Variants in BCAP31 observed in about 807,000 individuals in gnomAD.
BCAP31 encodes the protein B cell receptor associated protein 31.
For missense variants in BCAP31, 124 were observed against 193.0 expected (o/e 0.64, Z 2.12); for synonymous variants, 75 against 80.9 (o/e 0.93, Z 0.39).
chrX:153,706,515 G>A (rs1359891362), intron 4 of BCAP31, among the ~76,000 whole-genome samples: 2 of 112,244 alleles, frequency 1.8e-5, no homozygotes, highest in Admixed American at 9.3e-5. Flanking sequence ...AGGTCCCCTC[G>A]CAACACCCTC....
chrX:153,721,788 C>G (rs1167104871), intron 2 of BCAP31, among the ~76,000 whole-genome samples: 1 of 107,884 alleles, frequency 9.3e-6, no homozygotes, highest in Admixed American at 1.0e-4. Flanking sequence ...GTCCCAGCTA[C>G]TCGTGAGGCT....
intron 4 of BCAP31, among the ~76,000 whole-genome samples, chrX:153,711,617 A>G (rs1405215865): frequency 1.8e-5 from 2 of 112,543 alleles, no homozygotes; most frequent in African/African-American, 6.4e-5. Context: ...CATGGAAAGA[A>G]AGAGAGGTGG....
chrX:153,723,019 AC>A, intron 2 of BCAP31, 133 bp downstream of exon 2: 1 of 811,523 alleles, frequency 1.2e-6, no homozygotes, highest in Non-Finnish European at 1.7e-6. Flanking sequence ...AACCCCTGCC[AC>A]CCCCACCCCA....
chrX:153,720,346 C>A lies in BCAP31; in HGVS notation c.193+526G>T, dbSNP rs918172665. Reference sequence around the variant, plus strand: ...ATACAAACTGCTTGGTATAAGCCCACGCCCACTGCTAGAGGGGCCTCTTTT... The same window carrying A: ...ATACAAACTGCTTGGTATAAGCCCAAGCCCACTGCTAGAGGGGCCTCTTTT... On this transcript the variant is annotated intron_variant, in intron 3 of 7. Coordinates refer to ENST00000345046, the MANE Select transcript of BCAP31 (RefSeq NM_001256447.2). Among the ~76,000 whole-genome samples, 4 of 105,491 alleles carry A rather than the reference C, an allele frequency of 3.8e-5. No homozygotes were observed. In the South Asian group the frequency reaches 1.3e-3, roughly 35 times the overall value. The allele number at this position is 105,491 out of a possible 115,157, so 91.6% of individuals were successfully genotyped here.
At chrX:153,701,497 G>A (rs782015512) in intron 7 of BCAP31, among the ~76,000 whole-genome samples, 44 of 112,856 alleles carry the variant, frequency 3.9e-4, no homozygotes, top group African/African-American at 1.4e-3. Context: ...AAGACCGCCT[G>A]GGCTTCCAGA....
intron 3 of BCAP31, 70 bp downstream of exon 3, chrX:153,720,802 G>C (rs2091659643): frequency 1.9e-6 from 2 of 1,027,699 alleles, no homozygotes; most frequent in South Asian, 4.0e-5. Flanking sequence ...CACATCAAAA[G>C]TGGCAAAGGG....
In BCAP31 at chrX:153,715,114, C is replaced by T. The variant is rs1473813841; in HGVS notation, c.341+428G>A. On this transcript the variant is annotated intron_variant, in intron 4 of 7. Coordinates refer to ENST00000345046, the MANE Select transcript of BCAP31 (RefSeq NM_001256447.2). ...GGGAAGGCCCTGAGGTGAGGAGAGGCCCAGCCTCTTCGTGCCACTTTTACC... is the reference window on the plus strand; with the variant it reads ...GGGAAGGCCCTGAGGTGAGGAGAGGTCCAGCCTCTTCGTGCCACTTTTACC... 8.0e-5 allele frequency among the ~76,000 whole-genome samples: 9 copies of T among 111,913 alleles called. No individual in the cohort carries two copies. The Admixed American group carries it at 8.5e-4, about 11-fold the overall frequency.
rs782756360 is a variant in BCAP31 at position 153,700,676 on chromosome X, G to A, written c.*261C>T. 29 of 327,661 alleles carry A rather than the reference G, an allele frequency of 8.9e-5. No individual in the cohort carries two copies. Among genetic ancestry groups the A allele is most frequent in the Non-Finnish European group, 1.4e-4 (27 of 190,443 alleles). The allele number at this position is 327,661 out of a possible 1,213,427, so 27.0% of individuals were successfully genotyped here. ...TAACTCGTGCTCTCCACGCTCAGGC[G>A]TGGAAGCCAAGGCTGTGCCAGGCCT... On this transcript the variant is annotated 3_prime_UTR_variant, in exon 8 of 8. Transcript: ENST00000345046.
At chrX:153,723,785 G>A in intron 1 of BCAP31, 1 of 875,609 alleles carries the variant, frequency 1.1e-6, no homozygotes, top group Non-Finnish European at 1.6e-6. Flanking sequence ...CGACGCCCCC[G>A]CCTCCCACCG....
At chrX:153,713,956 C>T (rs1215916454) in intron 4 of BCAP31, among the ~76,000 whole-genome samples, 1 of 93,056 alleles carries the variant, frequency 1.1e-5, no homozygotes, top group African/African-American at 4.2e-5. Context: ...CTCACTGCAA[C>T]CTCTGCCTCC....
chrX:153,722,394 TTGTC>T (rs1474210175), intron 2 of BCAP31, among the ~76,000 whole-genome samples: 2 of 111,535 alleles, frequency 1.8e-5, no homozygotes, highest in Admixed American at 9.6e-5. Flanking sequence ...AGAAATCAGA[TTGTC>T]TGTCCTCTAA....
chrX:153,715,744 A>C (rs1238607791), intron 3 of BCAP31, 55 bp from the exon 4 acceptor site: 1 of 1,165,890 alleles, frequency 8.6e-7, no homozygotes, highest in Admixed American at 2.2e-5. Flanking sequence ...GGGCAAGATA[A>C]GGCCATACCA....
At chrX:153,718,081 C>T (rs1362273840) in intron 3 of BCAP31, among the ~76,000 whole-genome samples, 3 of 110,946 alleles carry the variant, frequency 2.7e-5, no homozygotes, top group South Asian at 3.8e-4. Context: ...TTTGGGAGGC[C>T]GAGGTGGGCG....
At chrX:153,723,356 C>G (rs2091681800) in intron 1 of BCAP31, 68 bp from the exon 2 acceptor site, 1 of 1,140,737 alleles carries the variant, frequency 8.8e-7, no homozygotes, top group Admixed American at 2.7e-5. Flanking sequence ...TTCAGTTACC[C>G]TGCGAGGCTG....
chrX:153,710,937 T>C lies in BCAP31; in HGVS notation c.341+4605A>G, dbSNP rs782264429. ...GAATCCATCCTGCCAGCACATTCCC[T>C]TTGCCCTGGCCTCAATGCCTCTGAA... On this transcript the variant is annotated intron_variant, in intron 4 of 7. Coordinates refer to ENST00000345046, the MANE Select transcript of BCAP31 (RefSeq NM_001256447.2). 2.7e-5 allele frequency among the ~76,000 whole-genome samples: 3 copies of C among 111,560 alleles called. No individual in the cohort carries two copies. In the East Asian group the frequency reaches 8.4e-4, roughly 31 times the overall value.
intron 4 of BCAP31, among the ~76,000 whole-genome samples, chrX:153,706,601 T>C (rs1201360900): frequency 8.9e-6 from 1 of 112,740 alleles, no homozygotes; most frequent in Non-Finnish European, 1.9e-5. Context: ...CAGCCACTCT[T>C]ATCCCCGAAA....
chrX:153,721,155 G>A, intron 2 of BCAP31, 183 bp from the exon 3 acceptor site: 1 of 426,526 alleles, frequency 2.3e-6, no homozygotes, highest in Non-Finnish European at 4.1e-6. Flanking sequence ...TGGAAAAAAG[G>A]CCAGGTGCAA....
At chrX:153,709,060 A>G (rs2091572875) in intron 4 of BCAP31, among the ~76,000 whole-genome samples, 1 of 111,967 alleles carries the variant, frequency 8.9e-6, no homozygotes, top group Admixed American at 9.4e-5. Flanking sequence ...CTTCTTCTTG[A>G]GAACAAGTGA....
chrX:153,720,759 G>A (rs2091659452), intron 3 of BCAP31, 113 bp downstream of exon 3: 2 of 622,077 alleles, frequency 3.2e-6, no homozygotes, highest in Non-Finnish European at 5.1e-6. Context: ...GCATTTCATT[G>A]GTCTGTCTCC....
Sources: allele counts gnomAD v4.1 joint callset (sites outside exome capture counted in the v4.1 genomes callset), GRCh38; gene constraint gnomAD v4.1.1; transcripts MANE v1.5; gene names NCBI Gene and HGNC (gene_info 2026-07-23, HGNC 2026-07-21).